PKP1: variants seen among roughly 807,000 people sequenced by gnomAD.
PKP1 encodes the protein plakophilin 1, also known as plakophilin-1.
A neutral mutation model predicts 76.4 loss-of-function variants in PKP1; 27 were observed. That is an observed-to-expected ratio of 0.35 (90% CI 0.26 to 0.49). PKP1 has a LOEUF of 0.49. Among genes scored for constraint, PKP1 ranks in the 20% least tolerant of loss-of-function variants. PKP1 has a pLI of 0.99. For missense variants in PKP1, 964 were observed against 955.2 expected (o/e 1.01, Z -0.12); for synonymous variants, 404 against 384.2 (o/e 1.05, Z -0.60).
At position 201,323,116 on chromosome 1, in the gene PKP1, G is replaced by T; in HGVS notation, c.1607G>T (p.Gly536Val). The T allele has an allele frequency of 1.2e-6, 2 of 1,614,170 alleles. No individual in the cohort carries two copies. The highest frequency in any genetic ancestry group is 1.7e-6 in the Non-Finnish European group (2 of 1,180,024). ...DAIRTYLNLM[G>V]KSKKDATLEA... ...ATCCGCACCTACCTGAACCTCATGG[G>T]CAAGAGCAAGAAAGATGCTACCCTG... The change falls in exon 9 of 14, where the codon GGC becomes GTC. Residue 536 changes from glycine to valine, a missense_variant. Physicochemically the swap from Gly to Val is moderately radical, Grantham distance 109 (BLOSUM62 -3). Coordinates refer to ENST00000367324, the MANE Select transcript of PKP1 (RefSeq NM_001005337.3).
intron 2 of PKP1, among the ~76,000 whole-genome samples, chr1:201,312,238 C>G (rs560421475): frequency 6.6e-6 from 1 of 152,318 alleles, no homozygotes; most frequent in African/African-American, 2.4e-5. Context: ...GCTTCTTGCC[C>G]TGGAAGAGGG....
At chr1:201,314,438 G>A (rs1257914679) in intron 3 of PKP1, among the ~76,000 whole-genome samples, 1 of 152,138 alleles carries the variant, frequency 6.6e-6, no homozygotes, top group Non-Finnish European at 1.5e-5. Context: ...CTCCAGCCTG[G>A]GCAACAGAGT....
Position 201,283,856 on chromosome 1 carries a change from C to A in PKP1, c.154C>A (p.Gln52Lys), listed in dbSNP as rs200433412. The A allele has an allele frequency of 1.4e-5, 23 of 1,614,042 alleles. No individual in the cohort carries two copies. Among genetic ancestry groups the A allele is most frequent in the Non-Finnish European group, 1.8e-5 (21 of 1,180,004 alleles). Residue 52 changes from glutamine to lysine, a missense_variant, in exon 1 of 14, where the codon CAG becomes AAG. Coordinates refer to ENST00000367324, the MANE Select transcript of PKP1 (RefSeq NM_001005337.3). ...GCAGGTGATGATGACCGTCAAGCGGCAGAAGTCCAAGTCTTCCCAGTCGTC... is the reference window on the plus strand; with the variant it reads ...GCAGGTGATGATGACCGTCAAGCGGAAGAAGTCCAAGTCTTCCCAGTCGTC... ...QEQVMMTVKR[Q>K]KSKSSQSSTL...
intron 1 of PKP1, among the ~76,000 whole-genome samples, chr1:201,290,057 A>C (rs1036249283): frequency 2.6e-5 from 4 of 152,156 alleles, no homozygotes; most frequent in African/African-American, 9.7e-5. Flanking sequence ...AAAGGTTTTG[A>C]GGCGAGAAAG....
At chr1:201,318,048 C>G (rs961233369) in intron 5 of PKP1, among the ~76,000 whole-genome samples, 1 of 152,170 alleles carries the variant, frequency 6.6e-6, no homozygotes, top group South Asian at 2.1e-4. Context: ...GATGTCCAGG[C>G]AAGATCCATA....
At chr1:201,309,758 A>G (rs1477145259) in intron 2 of PKP1, among the ~76,000 whole-genome samples, 1 of 152,110 alleles carries the variant, frequency 6.6e-6, no homozygotes, top group East Asian at 1.9e-4. Context: ...AGTGTTTGGA[A>G]ACGTGTGGGG....
chr1:201,311,645 A>C (rs1045220815), intron 2 of PKP1, among the ~76,000 whole-genome samples: 3 of 147,446 alleles, frequency 2.0e-5, no homozygotes, highest in African/African-American at 7.4e-5. Context: ...CTGGTGCAGA[A>C]GGGAATTACC....
rs1429886167 is a variant in PKP1 at position 201,332,398 on chromosome 1, T to C, written c.*2357T>C. On this transcript the variant is annotated 3_prime_UTR_variant, in exon 14 of 14. Transcript: ENST00000367324. ...CCATTCCCTCTCAGGCCAGCTCAGGTCACCCGGGCCTCTGACCCAGGCCTG... is the reference window on the plus strand; with the variant it reads ...CCATTCCCTCTCAGGCCAGCTCAGGCCACCCGGGCCTCTGACCCAGGCCTG... The C allele has an allele frequency of 3.3e-5, 5 of 152,218 alleles. No individual in the cohort carries two copies. Among genetic ancestry groups the C allele is most frequent in the African/African-American group, 1.2e-4 (5 of 41,450 alleles). 9.4% of individuals were successfully genotyped at this position (152,218 alleles called of 1,614,324 possible). A position where few individuals can be genotyped will look rare whatever the true frequency, so the allele number is the denominator to read the frequency against.
At chr1:201,317,893 C>A in intron 5 of PKP1, 114 bp downstream of exon 5, 1 of 1,033,416 alleles carries the variant, frequency 9.7e-7, no homozygotes. Flanking sequence ...CACAGCTGTG[C>A]AGATTTGGCC....
chr1:201,293,120 G>A (rs1004051237), intron 1 of PKP1, among the ~76,000 whole-genome samples: 1 of 152,170 alleles, frequency 6.6e-6, no homozygotes. Context: ...GTCACCATTG[G>A]CCATATTTCA....
chr1:201,324,355 C>T (rs1450536363), intron 9 of PKP1, 73 bp from the exon 10 acceptor site: 13 of 1,506,324 alleles, frequency 8.6e-6, no homozygotes, highest in African/African-American at 2.8e-5. Context: ...CTTTGGGGCT[C>T]CTTGCCCCTT....
chr1:201,288,628 TTC>T (rs1463292175), intron 1 of PKP1, among the ~76,000 whole-genome samples: 1 of 152,048 alleles, frequency 6.6e-6, no homozygotes, highest in Admixed American at 6.6e-5. Flanking sequence ...ACCCATGTCT[TTC>T]TCTCATACAC....
At position 201,322,180 on chromosome 1, in the gene PKP1, C is replaced by T. The variant is rs554744943; in HGVS notation, c.1503+47C>T. On this transcript the variant is annotated intron_variant, in intron 8 of 13. Transcript: ENST00000367324. ...CGGGGCCTGCCCCATCAAGCACCCC[C>T]CCAGGAGCCACTGCCTCATCTGCCC... 2.3e-5 allele frequency: 36 copies of T among 1,594,638 alleles called. No homozygotes were observed. In the East Asian group the frequency reaches 2.7e-4, roughly 12 times the overall value.
intron 5 of PKP1, 46 bp downstream of exon 5, chr1:201,317,825 GC>G (rs746417405): frequency 6.4e-7 from 1 of 1,559,864 alleles, no homozygotes; most frequent in Non-Finnish European, 8.8e-7. Context: ...GCTGTGCAAG[GC>G]CACTGGCTAT....
At chr1:201,309,918 A>G (rs1276247298) in intron 2 of PKP1, among the ~76,000 whole-genome samples, 2 of 152,220 alleles carry the variant, frequency 1.3e-5, no homozygotes, top group African/African-American at 4.8e-5. Flanking sequence ...TGCACCATTC[A>G]TCATAAAGCC....
chr1:201,316,714 C>A lies in PKP1; in HGVS notation c.846+17C>A. The A allele has an allele frequency of 6.2e-7, 1 of 1,613,252 alleles. No homozygotes were observed. The highest frequency in any genetic ancestry group is 2.2e-5 in the East Asian group (1 of 44,882). ...AAGCAACAGGTAGCTGGTTGCATAC[C>A]TTCCTCCTTGGTGGGCCTGCGGAGG... On this transcript the variant is annotated intron_variant, in intron 4 of 13. Transcript: ENST00000367324.
chr1:201,295,094 T>C (rs1446985295), intron 2 of PKP1, among the ~76,000 whole-genome samples: 1 of 152,190 alleles, frequency 6.6e-6, no homozygotes, highest in Non-Finnish European at 1.5e-5. Context: ...GGGTTCTGTC[T>C]TGGTGGGGCC....
rs140990121 is a variant in PKP1 at position 201,315,737 on chromosome 1, C to T, written c.702-816C>T. On this transcript the variant is annotated intron_variant, in intron 3 of 13. Coordinates refer to ENST00000367324, the MANE Select transcript of PKP1 (RefSeq NM_001005337.3). ...ACTACAGACATTTCCTATGATTCAA[C>T]CTAATACCTGCCCTTGGACATCAGG... 2.7e-3 allele frequency among the ~76,000 whole-genome samples: 416 copies of T among 152,308 alleles called. 7 individuals carry two copies. Among genetic ancestry groups the T allele is most frequent in the East Asian group, 3.9e-3 (20 of 5,184 alleles).
At chr1:201,287,012 A>G (rs1655761659) in intron 1 of PKP1, among the ~76,000 whole-genome samples, 1 of 152,116 alleles carries the variant, frequency 6.6e-6, no homozygotes, top group Non-Finnish European at 1.5e-5. Flanking sequence ...CAGTGAAAGG[A>G]GCTTCCTTTC....
Sources: gnomAD v4.1 joint callset for allele counts (sites outside exome capture counted in the v4.1 genomes callset) on GRCh38, gnomAD v4.1.1 for gene constraint, MANE v1.5 for transcripts, NCBI Gene and HGNC (gene_info 2026-07-23, HGNC 2026-07-21) for gene names.